The following LSAMP variants were observed in gnomAD, a reference collection of about 807,000 sequenced individuals.
The protein encoded by LSAMP is limbic system associated membrane protein.
In LSAMP, 7 loss-of-function variants were observed where a neutral mutation model predicts 38.6. That is an observed-to-expected ratio of 0.18 (90% CI 0.10 to 0.34). The LOEUF (loss-of-function observed/expected upper bound fraction) is 0.34. Among genes scored for constraint, LSAMP ranks in the 10% least tolerant of loss-of-function variants. The pLI, the probability that LSAMP is intolerant of heterozygous loss-of-function variation, is 1.00. For missense variants in LSAMP, 313 were observed against 420.0 expected (o/e 0.75, Z 2.23); for synonymous variants, 154 against 166.8 (o/e 0.92, Z 0.59).
intron 1 of LSAMP, among the ~76,000 whole-genome samples, chr3:116,292,551 G>A (rs1161657430): frequency 1.3e-5 from 2 of 152,154 alleles, no homozygotes; most frequent in African/African-American, 2.4e-5. Context: ...TTCCAGGGTT[G>A]TCCTGAGAAA....
intron 3 of LSAMP, among the ~76,000 whole-genome samples, chr3:115,975,044 C>G (rs1198154368): frequency 2.0e-5 from 3 of 152,100 alleles, no homozygotes; most frequent in East Asian, 3.9e-4. Flanking sequence ...ATGTGGACAT[C>G]TTGGAGTGTT....
chr3:115,933,827 A>ATGTGCCTGTTGG (rs1237277836), intron 3 of LSAMP, among the ~76,000 whole-genome samples: 3 of 152,206 alleles, frequency 2.0e-5, no homozygotes, highest in Non-Finnish European at 2.9e-5. Context: ...CTCCGCGAGA[A>ATGTGCCTGTTGG]TGTGCCTGTT....
At chr3:115,931,679 T>C (rs1453542501) in intron 3 of LSAMP, among the ~76,000 whole-genome samples, 1 of 152,326 alleles carries the variant, frequency 6.6e-6, no homozygotes, top group East Asian at 1.9e-4. Flanking sequence ...ATATCTAATA[T>C]GTATAGCTAT....
rs142313719 is a variant in LSAMP, at chr3:116,117,748, G to A, written c.156-31192C>T. Among the ~76,000 whole-genome samples, 20 of 152,178 alleles carry A rather than the reference G, an allele frequency of 1.3e-4. No homozygotes were observed. The East Asian group carries it at 3.5e-3, about 26-fold the overall frequency. On this transcript the variant is annotated intron_variant, in intron 1 of 6. Coordinates refer to ENST00000490035, the MANE Select transcript of LSAMP (RefSeq NM_002338.5). ...TTTTTCATGATTAGACTAGGGCTAT[G>A]TGTCTTTGGGAGGAAACCACAGAGG...
chr3:115,955,254 G>A (rs1938420059), intron 3 of LSAMP, among the ~76,000 whole-genome samples: 1 of 152,046 alleles, frequency 6.6e-6, no homozygotes, highest in Admixed American at 6.6e-5. Context: ...TATTTTATTT[G>A]TAACTTGTTG....
At chr3:115,966,395 G>A (rs1559900541) in intron 3 of LSAMP, among the ~76,000 whole-genome samples, 2 of 152,176 alleles carry the variant, frequency 1.3e-5, no homozygotes, top group African/African-American at 4.8e-5. Flanking sequence ...TTAAACTCCT[G>A]TGATTCTGAA....
chr3:115,899,609 C>A (rs1936822872), intron 3 of LSAMP, among the ~76,000 whole-genome samples: 1 of 152,286 alleles, frequency 6.6e-6, no homozygotes, highest in South Asian at 2.1e-4. Context: ...ATATCTCAAT[C>A]CTGCACATCC....
At chr3:116,100,620 T>C (rs2107449346) in intron 1 of LSAMP, among the ~76,000 whole-genome samples, 1 of 152,292 alleles carries the variant, frequency 6.6e-6, no homozygotes, top group Admixed American at 6.5e-5. Flanking sequence ...TGCGATATTG[T>C]ATCCCCTTAC....
intron 2 of LSAMP, among the ~76,000 whole-genome samples, chr3:116,056,549 T>C (rs937317220): frequency 6.6e-6 from 1 of 152,160 alleles, no homozygotes; most frequent in Non-Finnish European, 1.5e-5. Context: ...TACAACCATA[T>C]AGTCAGAAAC....
chr3:115,877,840 A>AG (rs1936222909), intron 3 of LSAMP, among the ~76,000 whole-genome samples: 1 of 151,978 alleles, frequency 6.6e-6, no homozygotes, highest in Non-Finnish European at 1.5e-5. Context: ...TATTTTGGGG[A>AG]GGGGGGTTGC....
intron 1 of LSAMP, among the ~76,000 whole-genome samples, chr3:116,371,356 A>C (rs2048427466): frequency 6.6e-6 from 1 of 152,188 alleles, no homozygotes; most frequent in African/African-American, 2.4e-5. Context: ...CAATTACCAA[A>C]TAGAATTTAT....
chr3:116,341,551 G>A (rs1297280970), intron 1 of LSAMP, among the ~76,000 whole-genome samples: 1 of 151,960 alleles, frequency 6.6e-6, no homozygotes, highest in East Asian at 1.9e-4. Context: ...CTAGAAAAAT[G>A]AAAACCAATA....
At position 115,920,824 on chromosome 3, in the gene LSAMP, A is replaced by G. The variant is rs144290433; in HGVS notation, c.515-68207T>C. ...CCCTACTATTACTGCATTGCTGTCT[A>G]TTTCTCCCTTTTGTTCTATCAATAT... On this transcript the variant is annotated intron_variant, in intron 3 of 6. Coordinates refer to ENST00000490035, the MANE Select transcript of LSAMP (RefSeq NM_002338.5). Among the ~76,000 whole-genome samples the G allele has an allele frequency of 5.7e-3, 859 of 151,460 alleles. 11 individuals carry two copies. The highest frequency in any genetic ancestry group is 0.02 in the African/African-American group (812 of 41,260).
At chr3:116,186,731 A>G (rs142408384) in intron 1 of LSAMP, among the ~76,000 whole-genome samples, 2 of 152,228 alleles carry the variant, frequency 1.3e-5, no homozygotes, top group African/African-American at 4.8e-5. Flanking sequence ...TTACTTGCAG[A>G]AGACCTAAAT....
At chr3:115,854,122 C>T (rs577299394) in intron 3 of LSAMP, among the ~76,000 whole-genome samples, 1 of 151,860 alleles carries the variant, frequency 6.6e-6, no homozygotes, top group East Asian at 1.9e-4. Flanking sequence ...GGAAACTGTA[C>T]AATCTTGATT....
intron 1 of LSAMP, among the ~76,000 whole-genome samples, chr3:116,185,682 G>GAAT (rs1710598245): frequency 6.6e-6 from 1 of 151,962 alleles, no homozygotes; most frequent in Admixed American, 6.6e-5. Context: ...ATATTCAACA[G>GAAT]ATGTTGAATA....
intron 1 of LSAMP, among the ~76,000 whole-genome samples, chr3:116,110,924 C>T (rs1314277402): frequency 6.6e-6 from 1 of 151,724 alleles, no homozygotes; most frequent in African/African-American, 2.4e-5. Flanking sequence ...AGGGGTGGGG[C>T]CGTTTTATAG....
chr3:116,033,414 A>C (rs369465618), intron 2 of LSAMP, among the ~76,000 whole-genome samples: 34 of 152,164 alleles, frequency 2.2e-4, no homozygotes, highest in African/African-American at 8.0e-4. Flanking sequence ...TGTTATGGAG[A>C]AAATGTCAAA....
intron 1 of LSAMP, among the ~76,000 whole-genome samples, chr3:116,326,588 T>C (rs976753996): frequency 6.6e-6 from 1 of 152,124 alleles, no homozygotes; most frequent in Admixed American, 6.5e-5. Flanking sequence ...TAGCCTGATA[T>C]TAGAAAAGCC....
Sources: gnomAD v4.1 joint callset for allele counts (sites outside exome capture counted in the v4.1 genomes callset) on GRCh38, gnomAD v4.1.1 for gene constraint, MANE v1.5 for transcripts, NCBI Gene and HGNC (gene_info 2026-07-23, HGNC 2026-07-21) for gene names.